MARCHF11: variants seen among roughly 807,000 people sequenced by gnomAD.
MARCHF11 encodes membrane associated ring-CH-type finger 11, also known as E3 ubiquitin-protein ligase MARCHF11.
Under a neutral mutation model 37.3 loss-of-function variants are expected in MARCHF11, and 29 were observed. The observed-to-expected ratio is 0.78, with a 90% CI of 0.58 to 1.06. MARCHF11 has a LOEUF of 1.06. Ranked by LOEUF, MARCHF11 falls within the 50% of genes least tolerant of loss-of-function variation. The pLI is 0.00. For missense variants in MARCHF11, 482 were observed against 533.4 expected (o/e 0.90, Z 0.95); for synonymous variants, 233 against 228.0 (o/e 1.02, Z -0.20).
chr5:16,122,804 T>C (rs555947937), intron 2 of MARCHF11, among the ~76,000 whole-genome samples: 1 of 152,208 alleles, frequency 6.6e-6, no homozygotes, highest in South Asian at 2.1e-4. Context: ...AAGCACATCA[T>C]CAAAGGAGAG....
At chr5:16,158,097 A>T (rs1738007352) in intron 2 of MARCHF11, among the ~76,000 whole-genome samples, 1 of 151,976 alleles carries the variant, frequency 6.6e-6, no homozygotes, top group Non-Finnish European at 1.5e-5. Flanking sequence ...ACTAATCATT[A>T]GGAAATTGCA....
At chr5:16,136,793 T>C (rs914472229) in intron 2 of MARCHF11, among the ~76,000 whole-genome samples, 9 of 152,120 alleles carry the variant, frequency 5.9e-5, no homozygotes, top group Non-Finnish European at 1.0e-4. Flanking sequence ...TAAAAATATA[T>C]ATACTACAAT....
chr5:16,141,935 G>T (rs1737714715), intron 2 of MARCHF11, among the ~76,000 whole-genome samples: 1 of 152,146 alleles, frequency 6.6e-6, no homozygotes, highest in Non-Finnish European at 1.5e-5. Flanking sequence ...GCATTCGTGG[G>T]GGGATCTCCT....
chr5:16,132,096 T>C (rs1372761868), intron 2 of MARCHF11, among the ~76,000 whole-genome samples: 4 of 152,242 alleles, frequency 2.6e-5, no homozygotes, highest in South Asian at 4.1e-4. Context: ...ACTGTGACTG[T>C]GGAGACTGAC....
intron 3 of MARCHF11, among the ~76,000 whole-genome samples, chr5:16,076,726 G>A (rs1736524029): frequency 6.6e-6 from 1 of 152,184 alleles, no homozygotes; most frequent in Admixed American, 6.5e-5. Flanking sequence ...GAGAAGTGAT[G>A]TAGTGTGGCT....
At chr5:16,090,467 A>C (rs1481946460) in intron 3 of MARCHF11, among the ~76,000 whole-genome samples, 1 of 152,106 alleles carries the variant, frequency 6.6e-6, no homozygotes, top group Non-Finnish European at 1.5e-5. Context: ...ATCATGATGT[A>C]AGACATCGAG....
At chr5:16,097,704 C>T (rs564871048) in intron 2 of MARCHF11, among the ~76,000 whole-genome samples, 2 of 152,164 alleles carry the variant, frequency 1.3e-5, no homozygotes, top group South Asian at 4.1e-4. Context: ...AAAAGCCTTC[C>T]AAAACAAGAT....
chr5:16,178,923 A>C (rs1295634186), intron 1 of MARCHF11, 116 bp downstream of exon 1: 2 of 1,240,640 alleles, frequency 1.6e-6, no homozygotes, highest in Non-Finnish European at 2.1e-6. Context: ...GCAGAACCAG[A>C]CGAGCCTCAC....
intron 2 of MARCHF11, among the ~76,000 whole-genome samples, chr5:16,167,749 C>T (rs1300114895): frequency 6.6e-6 from 1 of 152,042 alleles, no homozygotes; most frequent in African/African-American, 2.4e-5. Flanking sequence ...ACTTGCTTTT[C>T]TTCCGTTCCT....
At chr5:16,149,816 C>T (rs575405173) in intron 2 of MARCHF11, among the ~76,000 whole-genome samples, 50 of 152,136 alleles carry the variant, frequency 3.3e-4, no homozygotes, top group Non-Finnish European at 6.3e-4. Flanking sequence ...GGACCTGCAC[C>T]CGTGGTACAT....
chr5:16,117,495 T>C (rs1299620002), intron 2 of MARCHF11, among the ~76,000 whole-genome samples: 1 of 152,168 alleles, frequency 6.6e-6, no homozygotes, highest in Non-Finnish European at 1.5e-5. Flanking sequence ...ACAGCACACA[T>C]GTAGGTAATG....
chr5:16,129,485 T>C (rs1737477071), intron 2 of MARCHF11, among the ~76,000 whole-genome samples: 1 of 152,226 alleles, frequency 6.6e-6, no homozygotes, highest in Non-Finnish European at 1.5e-5. Context: ...GAACAAATTC[T>C]TTATTGTTAA....
At chr5:16,090,483 T>G (rs1736772782) in intron 3 of MARCHF11, among the ~76,000 whole-genome samples, 1 of 152,160 alleles carries the variant, frequency 6.6e-6, no homozygotes. Flanking sequence ...TCGAGATGTC[T>G]GTCCTCTCCC....
At chr5:16,125,619 CTGTGTGTGTGTGTGTGTGTGTGTGTGTG>C (rs34769733) in intron 2 of MARCHF11, among the ~76,000 whole-genome samples, 42 of 142,368 alleles carry the variant, frequency 3.0e-4, no homozygotes, top group Middle Eastern at 7.1e-3. Context: ...GGCACACTCT[CTGTGTGTGTGTGTGTGTGTGTGTGTGTG>C]TGTGTGTGTG....
At chr5:16,096,202 G>A (rs917525486) in intron 2 of MARCHF11, among the ~76,000 whole-genome samples, 4 of 152,178 alleles carry the variant, frequency 2.6e-5, no homozygotes, top group Non-Finnish European at 5.9e-5. Context: ...GGTGGCTGTG[G>A]CAATGGAAGA....
chr5:16,142,260 C>T (rs530466909), intron 2 of MARCHF11, among the ~76,000 whole-genome samples: 161 of 152,306 alleles, frequency 1.1e-3, no homozygotes, highest in African/African-American at 3.6e-3. Flanking sequence ...TTAAGAGGCA[C>T]AAGCAACCAA....
chr5:16,086,333 A>G (rs1345603204), intron 3 of MARCHF11, among the ~76,000 whole-genome samples: 1 of 152,206 alleles, frequency 6.6e-6, no homozygotes, highest in Admixed American at 6.5e-5. Context: ...AGGGAGTAGC[A>G]TAGCAGAATT....
chr5:16,072,962 T>G (rs985211423), intron 3 of MARCHF11, among the ~76,000 whole-genome samples: 3 of 152,150 alleles, frequency 2.0e-5, no homozygotes, highest in Admixed American at 6.5e-5. Flanking sequence ...TGTATAAACT[T>G]TGCTTAAATC....
intron 2 of MARCHF11, among the ~76,000 whole-genome samples, chr5:16,138,528 AG>A (rs1737648699): frequency 6.6e-6 from 1 of 152,176 alleles, no homozygotes; most frequent in Non-Finnish European, 1.5e-5. Context: ...ATGGGGTCAG[AG>A]CCCCCACACA....
Sources: allele counts gnomAD v4.1 joint callset (sites outside exome capture counted in the v4.1 genomes callset), GRCh38; gene constraint gnomAD v4.1.1; transcripts MANE v1.5; gene names NCBI Gene and HGNC (gene_info 2026-07-23, HGNC 2026-07-21).